SRRD: variants seen among roughly 807,000 people sequenced by gnomAD.
SRRD encodes SRR1 domain containing.
A neutral mutation model predicts 30.7 loss-of-function variants in SRRD; 28 were observed. The ratio of observed to expected loss-of-function variants is 0.91; its 90% confidence interval spans 0.68 to 1.25. The LOEUF is 1.25. Among genes scored for constraint, SRRD ranks in the 50% most tolerant of loss-of-function variants. The pLI is 0.00. For missense variants in SRRD, 415 were observed against 417.3 expected (o/e 0.99, Z 0.05); for synonymous variants, 161 against 159.6 (o/e 1.01, Z -0.07).
In SRRD at chr22:26,486,857, T is replaced by C. The variant is rs747850453; in HGVS notation, c.250+794T>C. Reference sequence around the variant, plus strand: ...TTTTCACCAATTCTTTTATCAAAATTGACCTGAAGAGCCAGTTTTTCCTGG... The same window carrying C: ...TTTTCACCAATTCTTTTATCAAAATCGACCTGAAGAGCCAGTTTTTCCTGG... On this transcript the variant is annotated intron_variant, in intron 2 of 6. Transcript: ENST00000215917. 1.3e-3 allele frequency among the ~76,000 whole-genome samples: 192 copies of C among 152,142 alleles called. 1 individual carries two copies. Among genetic ancestry groups the C allele is most frequent in the Non-Finnish European group, 2.0e-3 (139 of 67,996 alleles).
chr22:26,494,233 C>G lies in SRRD; in HGVS notation c.*2561C>G. On this transcript the variant is annotated 3_prime_UTR_variant, in exon 7 of 7. Transcript: ENST00000215917. Reference sequence around the variant, plus strand: ...GTGCCAGCACTTGGTCTGAGAACATCGACTTCCAACCCAGGTACCACTTGG... The same window carrying G: ...GTGCCAGCACTTGGTCTGAGAACATGGACTTCCAACCCAGGTACCACTTGG... 1 of 1,614,220 alleles carries G rather than the reference C, an allele frequency of 6.2e-7. No homozygotes were observed. The highest frequency in any genetic ancestry group is 8.5e-7 in the Non-Finnish European group (1 of 1,180,042).
chr22:26,489,040 T>C (rs376337754), intron 4 of SRRD, among the ~76,000 whole-genome samples: 7 of 152,364 alleles, frequency 4.6e-5, no homozygotes, highest in East Asian at 3.9e-4. Context: ...AAAGCCAGTA[T>C]GAGCAAATCC....
Position 26,483,959 on chromosome 22 carries a change from G to T in SRRD, c.69G>T (p.Ala23=), listed in dbSNP as rs1313318076. Residue 23 remains alanine, a synonymous_variant, in exon 1 of 7, where the codon GCG becomes GCT. Coordinates refer to ENST00000215917, the MANE Select transcript of SRRD (RefSeq NM_001013694.3). ...QAAAPRKRRS[A]ARRPRRREAA... is the part of the protein sequence containing the mutation. ...CGGCTCCGCGGAAGAGGCGCTCCGC[G>T]GCTCGACGGCCGCGGCGGAGGGAGG... is the stretch of plus-strand genomic sequence containing the variant. 31 of 1,366,684 alleles carry T rather than the reference G, an allele frequency of 2.3e-5. No homozygotes were observed. The highest frequency in any genetic ancestry group is 2.8e-5 in the Non-Finnish European group (30 of 1,071,040). 84.7% of individuals were successfully genotyped at this position (1,366,684 alleles called of 1,614,324 possible). A position where few individuals can be genotyped will look rare whatever the true frequency, so the allele number is the denominator to read the frequency against.
chr22:26,491,151 G>C, intron 6 of SRRD, 81 bp downstream of exon 6: 1 of 1,417,808 alleles, frequency 7.1e-7, no homozygotes. Context: ...AGGCGTAGGA[G>C]GAAACTCATG....
intron 5 of SRRD, 120 bp from the exon 6 acceptor site, chr22:26,490,905 T>C (rs1361172737): frequency 1.8e-5 from 17 of 930,292 alleles, no homozygotes; most frequent in Non-Finnish European, 2.4e-5. Context: ...TTTTCCTGAA[T>C]TCTTACTATG....
At chr22:26,487,894 T>C in intron 2 of SRRD, 135 bp from the exon 3 acceptor site, 1 of 953,086 alleles carries the variant, frequency 1.0e-6, no homozygotes, top group East Asian at 2.6e-5. Context: ...GCAGCTTCTC[T>C]CTCTCTCTGA....
intron 2 of SRRD, among the ~76,000 whole-genome samples, chr22:26,487,134 T>C (rs1172728916): frequency 6.6e-6 from 1 of 152,098 alleles, no homozygotes; most frequent in Non-Finnish European, 1.5e-5. Flanking sequence ...TTGGCCAGAC[T>C]GGTCTCGAAC....
chr22:26,488,322 CTCT>C (rs752589156), intron 3 of SRRD, 34 bp downstream of exon 3: 6 of 1,612,730 alleles, frequency 3.7e-6, no homozygotes, highest in South Asian at 1.1e-5. Flanking sequence ...TCTCCTCCTC[CTCT>C]GGTCCTATAC....
chr22:26,486,791 C>T (rs574838901), intron 2 of SRRD, among the ~76,000 whole-genome samples: 27 of 152,214 alleles, frequency 1.8e-4, no homozygotes, highest in Non-Finnish European at 2.9e-4. Flanking sequence ...AAATGAAAGG[C>T]GGTGACCAAC....
intron 4 of SRRD, 39 bp from the exon 5 acceptor site, chr22:26,490,005 T>C: frequency 6.2e-7 from 1 of 1,610,788 alleles, no homozygotes. Context: ...AAAGAATAGG[T>C]TGTGGGCATG....
At chr22:26,486,703 G>T (rs2091711142) in intron 2 of SRRD, among the ~76,000 whole-genome samples, 1 of 152,080 alleles carries the variant, frequency 6.6e-6, no homozygotes, top group South Asian at 2.1e-4. Flanking sequence ...ACATAATTTT[G>T]CAATGAGTAA....
Position 26,488,237 on chromosome 22 carries a change from C to T in SRRD, c.459C>T (p.Ile153=), listed in dbSNP as rs1198631585. Reference sequence around the variant, plus strand: ...GCATTGGGAACTTTGCCACCTGCATCGTAGCTAGAAACCAGCTAACGTTTT... The same window carrying T: ...GCATTGGGAACTTTGCCACCTGCATTGTAGCTAGAAACCAGCTAACGTTTT... The part of the protein sequence containing the change: ...CYGIGNFATC[I]VARNQLTFLL... The change falls in exon 3 of 7, where the codon ATC becomes ATT. Residue 153 remains isoleucine (I), a synonymous_variant. Coordinates refer to ENST00000215917, the MANE Select transcript of SRRD (RefSeq NM_001013694.3). The T allele has an allele frequency of 3.1e-6, 5 of 1,614,182 alleles. No homozygotes were observed. The highest frequency in any genetic ancestry group is 1.3e-5 in the African/African-American group (1 of 75,036).
Position 26,493,727 on chromosome 22 carries a change from AAAT to A in SRRD, c.*2056_*2058del, listed in dbSNP as rs77461683. 0.15 allele frequency: 28,193 copies of A among 189,534 alleles called. 2,994 individuals carry two copies. The highest frequency in any genetic ancestry group is 0.36 in the South Asian group (3,519 of 9,766). 11.7% of individuals were successfully genotyped at this position (189,534 alleles called of 1,614,324 possible). On this transcript the variant is annotated 3_prime_UTR_variant, in exon 7 of 7. Transcript: ENST00000215917. ...AGTAGATCTTACTGTTTAACAGGTA[AAAT>A]GGGGCTGATTAAGGCTGAGCAATCA...
Position 26,492,360 on chromosome 22 carries a change from T to C in SRRD, c.*688T>C, listed in dbSNP as rs1188583600. ...ATGTTCTCCCGTGCTCCTGGCTGCA[T>C]GTAGGCACCTAAGATACAGGAGGAC... On this transcript the variant is annotated 3_prime_UTR_variant, in exon 7 of 7. Transcript: ENST00000215917. The C allele has an allele frequency of 3.7e-6, 6 of 1,614,084 alleles. No individual in the cohort carries two copies. The highest frequency in any genetic ancestry group is 5.1e-6 in the Non-Finnish European group (6 of 1,179,948).
intron 2 of SRRD, among the ~76,000 whole-genome samples, chr22:26,486,469 A>T (rs1180618700): frequency 1.3e-5 from 2 of 152,172 alleles, no homozygotes; most frequent in Admixed American, 1.3e-4. Flanking sequence ...TGGACATACC[A>T]TAGGTATCAT....
chr22:26,490,558 G>GGTTTTTTTTTTTTT (rs1491237870), intron 5 of SRRD, among the ~76,000 whole-genome samples: 1 of 25,708 alleles, frequency 3.9e-5, no homozygotes, highest in African/African-American at 9.7e-5. Context: ...TGGAATATTT[G>GGTTTTTTTTTTTTT]CTTTTTTTTT....
Position 26,494,085 on chromosome 22 carries a change from G to C in SRRD, c.*2413G>C. 2 of 1,594,804 alleles carry C rather than the reference G, an allele frequency of 1.3e-6. No individual in the cohort carries two copies. The highest frequency in any genetic ancestry group is 1.7e-6 in the Non-Finnish European group (2 of 1,166,366). ...AACTCTGATTCTGTGTCATTTACAT[G>C]TGTAAAATCTGAAACTTGGGGCCAG... On this transcript the variant is annotated 3_prime_UTR_variant, in exon 7 of 7. Coordinates refer to ENST00000215917, the MANE Select transcript of SRRD (RefSeq NM_001013694.3).
rs771435762 is a variant in SRRD, at chr22:26,490,030, T to C, written c.610-14T>C. The C allele has an allele frequency of 4.3e-6, 7 of 1,613,874 alleles. No homozygotes were observed. The South Asian group carries it at 7.7e-5, about 18-fold the overall frequency. On this transcript the variant is annotated splice_polypyrimidine_tract_variant and intron_variant, in intron 4 of 6. Coordinates refer to ENST00000215917, the MANE Select transcript of SRRD (RefSeq NM_001013694.3). ...TTGTGGGCATGTTTACACCTGTGAA[T>C]ATCGTATCCCCAGGAAGGGAAACGG...
chr22:26,492,447 C>A lies in SRRD; in HGVS notation c.*775C>A. On this transcript the variant is annotated 3_prime_UTR_variant, in exon 7 of 7. Coordinates refer to ENST00000215917, the MANE Select transcript of SRRD (RefSeq NM_001013694.3). ...GTTGACACTGTGGCTTGGCCCAGGT[C>A]TTGGGTGTGCCAGAGTGCTTGTGAC... The A allele has an allele frequency of 7.4e-7, 1 of 1,347,302 alleles. No homozygotes were observed. The highest frequency in any genetic ancestry group is 1.0e-6 in the Non-Finnish European group (1 of 958,558). 83.5% of individuals were successfully genotyped at this position (1,347,302 alleles called of 1,614,324 possible).
Sources: allele counts gnomAD v4.1 joint callset (sites outside exome capture counted in the v4.1 genomes callset), GRCh38; gene constraint gnomAD v4.1.1; transcripts MANE v1.5; gene names NCBI Gene and HGNC (gene_info 2026-07-23, HGNC 2026-07-21).